The following SLC24A3 variants were observed in gnomAD, a reference collection of about 807,000 sequenced individuals.
The protein encoded by SLC24A3 is solute carrier family 24 member 3, also known as sodium/potassium/calcium exchanger 3.
In SLC24A3, 28 loss-of-function variants were observed where a neutral mutation model predicts 75.8. The observed-to-expected ratio is 0.37, with a 90% CI of 0.27 to 0.51. The LOEUF (loss-of-function observed/expected upper bound fraction) is 0.51, where lower values mean the gene tolerates loss of function less well. Ranked by LOEUF, SLC24A3 falls within the 20% of genes least tolerant of loss-of-function variation. SLC24A3 has a pLI of 0.94. For synonymous variants in SLC24A3, 372 were observed against 334.1 expected (o/e 1.11, Z -1.24); for missense variants, 663 against 847.8 (o/e 0.78, Z 2.71).
intron 1 of SLC24A3, 100 bp from the exon 2 acceptor site, chr20:19,280,859 C>A (rs1983639724): frequency 1.1e-5 from 17 of 1,486,942 alleles, no homozygotes; most frequent in Non-Finnish European, 1.5e-5. Context: ...GCAGGCGGGG[C>A]TGAACAAGTG....
At chr20:19,470,128 G>T (rs1291549589) in intron 2 of SLC24A3, among the ~76,000 whole-genome samples, 2 of 152,176 alleles carry the variant, frequency 1.3e-5, no homozygotes, top group African/African-American at 4.8e-5. Flanking sequence ...ATTCAGCTCT[G>T]CCTGTCTTGT....
chr20:19,408,412 CAG>C (rs1233534174), intron 2 of SLC24A3, among the ~76,000 whole-genome samples: 1 of 140,274 alleles, frequency 7.1e-6, no homozygotes, highest in African/African-American at 2.7e-5. Context: ...TTTTTTGAGA[CAG>C]AGTCTCGCTC....
chr20:19,541,872 T>G (rs1404828704), intron 3 of SLC24A3, among the ~76,000 whole-genome samples: 3 of 152,208 alleles, frequency 2.0e-5, no homozygotes, highest in Non-Finnish European at 4.4e-5. Context: ...TGTAATTAAT[T>G]AGTCAGCACA....
intron 2 of SLC24A3, among the ~76,000 whole-genome samples, chr20:19,389,512 GT>G (rs796450778): frequency 3.7e-4 from 55 of 147,490 alleles, no homozygotes; most frequent in Middle Eastern, 3.4e-3. Context: ...GCAGGGTTTT[GT>G]TTTTTTTTTC....
intron 7 of SLC24A3, among the ~76,000 whole-genome samples, chr20:19,654,641 CTTTTTTTTTTT>C (rs34507566): frequency 4.4e-4 from 40 of 89,970 alleles, no homozygotes; most frequent in African/African-American, 1.7e-3. Flanking sequence ...AAATAGAATC[CTTTTTTTTTTT>C]TTTTTTTTTT....
rs1404102621 is a variant in SLC24A3 at position 19,534,352 on chromosome 20, CTCTTT to C, written c.348+18790_348+18794del. Reference sequence around the variant, plus strand: ...GAGACCAAGAGAGGCAATCCTCAATCTCTTTTAAGTGTGGAGAGTCCTGTTTGACA... The same window carrying C: ...GAGACCAAGAGAGGCAATCCTCAATCTAAGTGTGGAGAGTCCTGTTTGACA... On this transcript the variant is annotated intron_variant, in intron 3 of 16. Coordinates refer to ENST00000328041, the MANE Select transcript of SLC24A3 (RefSeq NM_020689.4). Among the ~76,000 whole-genome samples, 16 of 152,306 alleles carry C rather than the reference CTCTTT, an allele frequency of 1.1e-4. No homozygotes were observed. The East Asian group carries it at 3.1e-3, about 29-fold the overall frequency.
At chr20:19,710,001 G>A (rs1412310633) in intron 15 of SLC24A3, among the ~76,000 whole-genome samples, 2 of 152,174 alleles carry the variant, frequency 1.3e-5, no homozygotes, top group African/African-American at 2.4e-5. Flanking sequence ...TCATTTAATT[G>A]TTCAAACAAA....
At chr20:19,628,229 GA>G (rs1207060797) in intron 6 of SLC24A3, among the ~76,000 whole-genome samples, 8 of 142,818 alleles carry the variant, frequency 5.6e-5, no homozygotes, top group African/African-American at 2.1e-4. Context: ...AAAAGAAAAA[GA>G]AAAAAGAAAA....
At chr20:19,288,907 A>G (rs1475883085) in intron 2 of SLC24A3, among the ~76,000 whole-genome samples, 1 of 152,218 alleles carries the variant, frequency 6.6e-6, no homozygotes, top group East Asian at 1.9e-4. Context: ...TTGCTCTATG[A>G]AGGCTGAATT....
intron 12 of SLC24A3, 174 bp from the exon 13 acceptor site, chr20:19,693,085 G>A (rs2032763480): frequency 3.0e-6 from 2 of 662,034 alleles, no homozygotes; most frequent in Non-Finnish European, 4.8e-6. Context: ...GGTGTTGCAT[G>A]TCAGGTTTCG....
At chr20:19,390,766 C>T (rs910899777) in intron 2 of SLC24A3, among the ~76,000 whole-genome samples, 11 of 151,914 alleles carry the variant, frequency 7.2e-5, no homozygotes, top group African/African-American at 2.4e-4. Context: ...AGGGAGGCTG[C>T]ATCTACAGGT....
At chr20:19,651,664 C>T (rs1334275052) in intron 6 of SLC24A3, among the ~76,000 whole-genome samples, 1 of 151,840 alleles carries the variant, frequency 6.6e-6, no homozygotes, top group African/African-American at 2.4e-5. Context: ...TCGAGACCAT[C>T]CTGGCTAACA....
chr20:19,618,507 AAT>A (rs2031765927), intron 6 of SLC24A3, among the ~76,000 whole-genome samples: 1 of 152,092 alleles, frequency 6.6e-6, no homozygotes, highest in Non-Finnish European at 1.5e-5. Context: ...TTTTAACTTT[AAT>A]TACTTCTTTA....
chr20:19,601,898 C>T (rs952437306), intron 6 of SLC24A3, among the ~76,000 whole-genome samples: 1 of 152,184 alleles, frequency 6.6e-6, no homozygotes, highest in African/African-American at 2.4e-5. Context: ...ATTGGCCAAG[C>T]ACGGTGGCTC....
Position 19,529,707 on chromosome 20 carries a change from G to A in SLC24A3, c.348+14143G>A, listed in dbSNP as rs560540317. On this transcript the variant is annotated intron_variant, in intron 3 of 16. Transcript: ENST00000328041. ...CCTCAGACCTTCCTCCTGTTTGACAGATAATCCAGGCTCATCCCATCCTAG... is the reference window on the plus strand; with the variant it reads ...CCTCAGACCTTCCTCCTGTTTGACAAATAATCCAGGCTCATCCCATCCTAG... 3.3e-5 allele frequency among the ~76,000 whole-genome samples: 5 copies of A among 152,282 alleles called. No homozygotes were observed. The South Asian group carries it at 1.0e-3, about 32-fold the overall frequency.
chr20:19,342,216 A>T (rs1485820659), intron 2 of SLC24A3, among the ~76,000 whole-genome samples: 3 of 152,230 alleles, frequency 2.0e-5, no homozygotes, highest in African/African-American at 4.8e-5. Context: ...TAAGCTAATT[A>T]TCTATCTGTT....
intron 2 of SLC24A3, among the ~76,000 whole-genome samples, chr20:19,479,749 C>T (rs537641382): frequency 6.6e-6 from 1 of 152,338 alleles, no homozygotes; most frequent in East Asian, 1.9e-4. Flanking sequence ...GGAGCTGCAT[C>T]AGGGGCATTA....
At chr20:19,582,993 G>A (rs1005990916) in intron 4 of SLC24A3, among the ~76,000 whole-genome samples, 1 of 152,150 alleles carries the variant, frequency 6.6e-6, no homozygotes, top group Admixed American at 6.5e-5. Flanking sequence ...CAATAGGTCT[G>A]GAACACTACT....
intron 6 of SLC24A3, among the ~76,000 whole-genome samples, chr20:19,593,597 T>TG (rs2031410803): frequency 6.6e-6 from 1 of 152,234 alleles, no homozygotes; most frequent in Admixed American, 6.5e-5. Flanking sequence ...GGCTGAGTAC[T>TG]GTGTCAGTCA....
Sources: allele counts gnomAD v4.1 joint callset (sites outside exome capture counted in the v4.1 genomes callset), GRCh38; gene constraint gnomAD v4.1.1; transcripts MANE v1.5; gene names NCBI Gene and HGNC (gene_info 2026-07-23, HGNC 2026-07-21).